Variants in SLC17A5 observed in about 807,000 individuals in gnomAD.
The protein encoded by SLC17A5 is solute carrier family 17 member 5.
In SLC17A5, 47 loss-of-function variants were observed where a neutral mutation model predicts 59.4. The ratio of observed to expected loss-of-function variants is 0.79; its 90% CI spans 0.63 to 1.01. The LOEUF is 1.01. Ranked by LOEUF, SLC17A5 falls within the 50% of genes least tolerant of loss-of-function variation. The pLI is 0.00. For missense variants in SLC17A5, 522 were observed against 595.5 expected, an observed-to-expected ratio of 0.88 and a Z score of 1.28; for synonymous variants, 202 against 210.7, an observed-to-expected ratio of 0.96 and a Z score of 0.36.
Position 73,615,401 on chromosome 6 carries a change from A to G in SLC17A5, c.1025T>C (p.Met342Thr). 3.1e-6 allele frequency: 5 copies of G among 1,614,070 alleles called. No homozygotes were observed. Among genetic ancestry groups the G allele is most frequent in the Non-Finnish European group, 4.2e-6 (5 of 1,179,950 alleles). ...GTCAGCAGCTTGACCAGACAGGATC[A>G]TACATAACCAAGAGCCTAAATAAGG... is the stretch of plus-strand genomic sequence containing the variant. ...SLPYLGSWLC[M>T]ILSGQAADNL... Residue 342 changes from methionine to threonine, a missense_variant, in exon 8 of 11, where the codon ATG becomes ACG. By Grantham distance (81) the Met-to-Thr change is moderately conservative. Transcript: ENST00000355773.
chr6:73,644,617 T>C lies in SLC17A5; in HGVS notation c.95-14A>G, dbSNP rs1456843013. The C allele has an allele frequency of 6.2e-7, 1 of 1,608,706 alleles. No individual in the cohort carries two copies. The highest frequency in any genetic ancestry group is 1.7e-5 in the Admixed American group (1 of 59,834). On this transcript the variant is annotated splice_polypyrimidine_tract_variant and intron_variant, in intron 1 of 10. Coordinates refer to ENST00000355773, the MANE Select transcript of SLC17A5 (RefSeq NM_012434.5). Reference sequence around the variant, plus strand: ...AGCACACTGGAGCTGAAATAAAGATTGGGGAAAATTTTTATTTATTTTTAA... The same window carrying C: ...AGCACACTGGAGCTGAAATAAAGATCGGGGAAAATTTTTATTTATTTTTAA...
chr6:73,618,534 C>T (rs1767982604), intron 7 of SLC17A5: 14 of 521,432 alleles, frequency 2.7e-5, no homozygotes, highest in South Asian at 2.4e-4. Flanking sequence ...CTGTCCTCTG[C>T]CAGCCTACAG....
At position 73,601,848 on chromosome 6, in the gene SLC17A5, C is replaced by A. The variant is rs1407796665; in HGVS notation, c.1260-1407G>T. 6.2e-3 allele frequency among the ~76,000 whole-genome samples: 931 copies of A among 149,814 alleles called. 1 individual carries two copies. The highest frequency in any genetic ancestry group is 0.022 in the African/African-American group (871 of 40,144). On this transcript the variant is annotated intron_variant, in intron 9 of 10. Coordinates refer to ENST00000355773, the MANE Select transcript of SLC17A5 (RefSeq NM_012434.5). ...CAGCCCCCTGCCCGGCCAGCCGCCC[C>A]GTCCGGGAGGTGAGGGGCGCCTCTG...
At chr6:73,610,991 C>T (rs1185138667) in intron 8 of SLC17A5, among the ~76,000 whole-genome samples, 1 of 152,118 alleles carries the variant, frequency 6.6e-6, no homozygotes, top group African/African-American at 2.4e-5. Flanking sequence ...ACCTGTAATC[C>T]CAGCACGTTA....
chr6:73,653,767 A>G, intron 1 of SLC17A5, 26 bp downstream of exon 1: 3 of 1,554,878 alleles, frequency 1.9e-6, no homozygotes, highest in Non-Finnish European at 2.6e-6. Context: ...GCCCACTCGA[A>G]GCCCCTGGAC....
At chr6:73,639,171 C>T (rs903306210) in intron 3 of SLC17A5, among the ~76,000 whole-genome samples, 2 of 151,988 alleles carry the variant, frequency 1.3e-5, no homozygotes, top group Admixed American at 1.3e-4. Flanking sequence ...ACACGGAGAG[C>T]TAACAGGATG....
chr6:73,641,516 C>T (rs1271501843), intron 3 of SLC17A5, among the ~76,000 whole-genome samples, 175 bp downstream of exon 3: 1 of 152,118 alleles, frequency 6.6e-6, no homozygotes, highest in Non-Finnish European at 1.5e-5. Flanking sequence ...ACCTCATTTA[C>T]CACAAACAAA....
At position 73,653,743 on chromosome 6, in the gene SLC17A5, C is replaced by T. The variant is rs957217105; in HGVS notation, c.94+50G>A. On this transcript the variant is annotated intron_variant, in intron 1 of 10. Coordinates refer to ENST00000355773, the MANE Select transcript of SLC17A5 (RefSeq NM_012434.5). The stretch of plus-strand genomic sequence containing the variant: ...GGCCATGCCGGCCCAGAGACCGCCG[C>T]CCCCGGTACCGCTGCCCACTCGAAG... 10 of 1,493,088 alleles carry T rather than the reference C, an allele frequency of 6.7e-6. No homozygotes were observed. The East Asian group carries it at 2.2e-4, about 33-fold the overall frequency. The allele number at this position is 1,493,088 out of a possible 1,614,324, so 92.5% of individuals were successfully genotyped here.
intron 7 of SLC17A5, 104 bp from the exon 8 acceptor site, chr6:73,615,551 C>T: frequency 8.2e-6 from 9 of 1,101,298 alleles, no homozygotes; most frequent in Non-Finnish European, 1.2e-5. Flanking sequence ...AAAGGAAATG[C>T]ATAGCAATAT....
intron 9 of SLC17A5, among the ~76,000 whole-genome samples, chr6:73,607,247 T>G (rs966366685): frequency 1.3e-5 from 2 of 152,140 alleles, no homozygotes; most frequent in African/African-American, 4.8e-5. Flanking sequence ...TTTCTTTTTC[T>G]TCAGCATCTA....
intron 1 of SLC17A5, among the ~76,000 whole-genome samples, chr6:73,652,738 CCCGGCTGCCAGATGGAGCTATAAGG>C (rs11270048): frequency 0.56 from 85,149 of 151,970 alleles, 24,841 homozygotes; most frequent in East Asian, 0.75. Flanking sequence ...AAAATAAGCT[CCCGGCTGCCAGATGGAGCTATAAGG>C]TTGCCACCTC....
At chr6:73,619,218 C>T (rs76459094) in intron 7 of SLC17A5, among the ~76,000 whole-genome samples, 1 of 152,112 alleles carries the variant, frequency 6.6e-6, no homozygotes, top group African/African-American at 2.4e-5. Flanking sequence ...CTTCAAAGAT[C>T]AAGAGCCCTG....
chr6:73,619,515 C>T (rs1229420262), intron 7 of SLC17A5, among the ~76,000 whole-genome samples: 1 of 149,408 alleles, frequency 6.7e-6, no homozygotes, highest in Non-Finnish European at 1.5e-5. Context: ...ATGGGAAACC[C>T]CATCTCTACT....
At chr6:73,608,884 G>C (rs558209266) in intron 9 of SLC17A5, among the ~76,000 whole-genome samples, 8 of 152,290 alleles carry the variant, frequency 5.3e-5, no homozygotes, top group African/African-American at 1.9e-4. Context: ...ACCAGGCATG[G>C]TGATGTATGC....
At chr6:73,611,630 T>C (rs1212309535) in intron 8 of SLC17A5, among the ~76,000 whole-genome samples, 1 of 151,942 alleles carries the variant, frequency 6.6e-6, no homozygotes, top group African/African-American at 2.4e-5. Flanking sequence ...CTCCCTATTA[T>C]TAACAACTGA....
At position 73,644,718 on chromosome 6, in the gene SLC17A5, C is replaced by T. The variant is rs1316355585; in HGVS notation, c.95-115G>A. 5.3e-6 allele frequency: 5 copies of T among 950,844 alleles called. No individual in the cohort carries two copies. In the African/African-American group the frequency reaches 6.6e-5, roughly 12 times the overall value. The allele number at this position is 950,844 out of a possible 1,614,324, so 58.9% of individuals were successfully genotyped here. The stretch of plus-strand genomic sequence containing the variant: ...AACTCCTGGGCTCAAGCCATCCACC[C>T]ACCTCAGCCTCCCAAAGTGCTGTGA... On this transcript the variant is annotated intron_variant, in intron 1 of 10. Transcript: ENST00000355773.
chr6:73,648,885 G>A (rs1208516173), intron 1 of SLC17A5, among the ~76,000 whole-genome samples: 1 of 152,044 alleles, frequency 6.6e-6, no homozygotes, highest in Non-Finnish European at 1.5e-5. Flanking sequence ...CATAGGGAGA[G>A]CAGGACATTC....
In SLC17A5 at chr6:73,629,258, C is replaced by T. The variant is rs555956279; in HGVS notation, c.819+6124G>A. Among the ~76,000 whole-genome samples the T allele has an allele frequency of 3.0e-4, 46 of 152,038 alleles. 1 individual carries two copies. In the South Asian group the frequency reaches 3.1e-3, roughly 10 times the overall value. On this transcript the variant is annotated intron_variant, in intron 6 of 10. Coordinates refer to ENST00000355773, the MANE Select transcript of SLC17A5 (RefSeq NM_012434.5). ...CAAAAATTAGCCAGGCTTTGTGGTA[C>T]ACACCTGTCGTCCCAACTACTTGGT...
intron 1 of SLC17A5, among the ~76,000 whole-genome samples, chr6:73,649,756 T>G (rs1581994120): frequency 1.0e-5 from 1 of 96,864 alleles, no homozygotes; most frequent in Non-Finnish European, 2.8e-5. Context: ...TTATTATGGG[T>G]TTTTTTTTCT....
Sources: gnomAD v4.1 joint callset for allele counts (sites outside exome capture counted in the v4.1 genomes callset) on GRCh38, gnomAD v4.1.1 for gene constraint, MANE v1.5 for transcripts, NCBI Gene and HGNC (gene_info 2026-07-23, HGNC 2026-07-21) for gene names.